The following COBL variants were observed in gnomAD, a reference collection of about 807,000 sequenced individuals.
COBL encodes the protein cordon-bleu WH2 repeat protein.
In COBL, 51 loss-of-function variants were observed where a neutral mutation model predicts 98.8. That is an observed-to-expected ratio of 0.52 (90% CI 0.41 to 0.65). The LOEUF (loss-of-function observed/expected upper bound fraction) is 0.65. Among genes scored for constraint, COBL ranks in the 30% least tolerant of loss-of-function variants. The pLI, the probability that COBL is intolerant of heterozygous loss-of-function variation, is 0.00. For synonymous variants in COBL, 634 were observed against 651.7 expected (o/e 0.97, Z 0.41); for missense variants, 1,617 against 1,617.5 (o/e 1.00, Z 0.01).
At chr7:51,234,526 C>T (rs749916302) in intron 1 of COBL, among the ~76,000 whole-genome samples, 2 of 152,040 alleles carry the variant, frequency 1.3e-5, no homozygotes, top group South Asian at 4.2e-4. Flanking sequence ...CACAGAAAAA[C>T]CCCCTCTCTA....
chr7:51,255,066 C>T (rs1184729145), intron 1 of COBL, among the ~76,000 whole-genome samples: 7 of 152,224 alleles, frequency 4.6e-5, no homozygotes, highest in Non-Finnish European at 1.0e-4. Context: ...TCACACTAAA[C>T]ACTAAATCAC....
intron 5 of COBL, among the ~76,000 whole-genome samples, chr7:51,170,153 C>T (rs1031587364): frequency 9.2e-5 from 14 of 151,914 alleles, no homozygotes; most frequent in Admixed American, 2.6e-4. Context: ...CTGATTCATT[C>T]GATTTTTTTT....
chr7:51,200,829 G>A (rs770076205), intron 2 of COBL, among the ~76,000 whole-genome samples: 15 of 152,106 alleles, frequency 9.9e-5, no homozygotes, highest in African/African-American at 2.4e-4. Context: ...AAGAAATACC[G>A]TAGATGAACA....
intron 7 of COBL, among the ~76,000 whole-genome samples, chr7:51,050,286 C>T (rs1562844691): frequency 6.6e-6 from 1 of 152,212 alleles, no homozygotes; most frequent in Non-Finnish European, 1.5e-5. Flanking sequence ...GAACCAAACT[C>T]TAGTCCTAGA....
Position 51,191,004 on chromosome 7 carries a change from G to A in COBL, c.531C>T (p.Leu177=). The change falls in exon 4 of 13, where the codon CTC becomes CTT. Residue 177 remains leucine, a synonymous_variant. Coordinates refer to ENST00000265136, the MANE Select transcript of COBL (RefSeq NM_015198.5). ...CACAAATGACTGGGAGAATATTCTG[G>A]AGAGGAACCTCAGGGCTCACACGCA... The part of the protein sequence containing the change: ...AVVRVSPEVP[L]QNILPVICAK... 6.2e-7 allele frequency: 1 copy of A among 1,614,194 alleles called. No homozygotes were observed. Among genetic ancestry groups the A allele is most frequent in the Non-Finnish European group, 8.5e-7 (1 of 1,180,046 alleles).
At chr7:51,233,154 A>T (rs1794921767) in intron 1 of COBL, among the ~76,000 whole-genome samples, 1 of 152,246 alleles carries the variant, frequency 6.6e-6, no homozygotes, top group Non-Finnish European at 1.5e-5. Flanking sequence ...TATTTGGGGC[A>T]TAACAGGCAT....
chr7:51,150,404 G>C (rs1785448745), intron 5 of COBL, among the ~76,000 whole-genome samples: 1 of 152,192 alleles, frequency 6.6e-6, no homozygotes, highest in Non-Finnish European at 1.5e-5. Context: ...CACCAAGAGA[G>C]ACATCACTAG....
chr7:51,184,568 GTAAAA>G (rs1789306674), intron 4 of COBL, among the ~76,000 whole-genome samples: 1 of 152,220 alleles, frequency 6.6e-6, no homozygotes, highest in South Asian at 2.1e-4. Flanking sequence ...AAAGAACCAA[GTAAAA>G]TTAATTGTAA....
chr7:51,296,733 G>A (rs144795397), intron 1 of COBL, among the ~76,000 whole-genome samples: 64 of 152,280 alleles, frequency 4.2e-4, no homozygotes, highest in African/African-American at 1.3e-3. Flanking sequence ...AGTATAGGAC[G>A]AGAGCTTGCT....
chr7:51,170,342 T>C (rs894088351), intron 5 of COBL, among the ~76,000 whole-genome samples: 5 of 151,938 alleles, frequency 3.3e-5, no homozygotes, highest in Non-Finnish European at 7.4e-5. Context: ...TGAGCTAGTA[T>C]AATTGTAATT....
chr7:51,053,590 C>A (rs1419249434), intron 7 of COBL, among the ~76,000 whole-genome samples: 2 of 152,244 alleles, frequency 1.3e-5, no homozygotes, highest in African/African-American at 4.8e-5. Context: ...TGCTGAAGAA[C>A]AGACAATATT....
chr7:51,176,391 T>C (rs1584061044), intron 5 of COBL, among the ~76,000 whole-genome samples: 2 of 152,078 alleles, frequency 1.3e-5, no homozygotes, highest in Admixed American at 6.6e-5. Context: ...ATTTGGGATA[T>C]ATATGTATAC....
chr7:51,029,229 T>C lies in COBL; in HGVS notation c.1867A>G (p.Asn623Asp). Residue 623 changes from asparagine (N) to aspartate (D), a missense_variant, in exon 10 of 13, where the codon AAT becomes GAT. Physicochemically the swap from Asn to Asp is conservative, Grantham distance 23. This residue lies in a region of COBL where 1,304 missense variants were observed against 1,282.0 expected (regional missense o/e 1.02). Transcript: ENST00000265136. ...VALSNISKDGNLMETAPRVTS... is the reference protein window; with the variant it reads ...VALSNISKDGDLMETAPRVTS... Reference sequence around the variant, plus strand: ...ACCCTGGGCGCCGTTTCCATTAGATTCCCATCTTTAGAGATGTTAGATAAG... The same window carrying C: ...ACCCTGGGCGCCGTTTCCATTAGATCCCCATCTTTAGAGATGTTAGATAAG... The C allele has an allele frequency of 3.7e-6, 6 of 1,614,002 alleles. No homozygotes were observed. Among genetic ancestry groups the C allele is most frequent in the Non-Finnish European group, 5.1e-6 (6 of 1,179,958 alleles).
At position 51,253,564 on chromosome 7, in the gene COBL, T is replaced by C. The variant is rs573906841; in HGVS notation, c.42-33620A>G. 3.9e-5 allele frequency among the ~76,000 whole-genome samples: 6 copies of C among 152,334 alleles called. No homozygotes were observed. The East Asian group carries it at 7.7e-4, about 20-fold the overall frequency. On this transcript the variant is annotated intron_variant, in intron 1 of 12. Coordinates refer to ENST00000265136, the MANE Select transcript of COBL (RefSeq NM_015198.5). ...GCTATTTATTTTGTATTTCTAATTA[T>C]AGAGAGAGTGAAAAGGAGAGTGAGA...
At position 51,190,973 on chromosome 7, in the gene COBL, A is replaced by T. The variant is rs753724234; in HGVS notation, c.562T>A (p.Cys188Ser). The change falls in exon 4 of 13, where the codon TGT (cysteine) becomes AGT (serine). Residue 188 changes from cysteine to serine, a missense_variant. By Grantham distance (112) the Cys-to-Ser change is moderately radical. Transcript: ENST00000265136. ...ACCACGTGCTCTGGGCTGACCTCAC[A>T]CTTTGCACAAATGACTGGGAGAATA... ...QNILPVICAK[C>S]EVSPEHVVLL... 23 of 1,614,002 alleles carry T rather than the reference A, an allele frequency of 1.4e-5. No individual in the cohort carries two copies. Among genetic ancestry groups the T allele is most frequent in the Non-Finnish European group, 1.4e-5 (16 of 1,180,044 alleles).
intron 7 of COBL, among the ~76,000 whole-genome samples, chr7:51,053,364 C>A (rs1489516893): frequency 6.6e-6 from 1 of 152,138 alleles, no homozygotes; most frequent in East Asian, 1.9e-4. Flanking sequence ...AAGCTGTGTG[C>A]CCTGCCCTGT....
At chr7:51,135,624 G>A (rs1034224236) in intron 6 of COBL, among the ~76,000 whole-genome samples, 3 of 152,136 alleles carry the variant, frequency 2.0e-5, no homozygotes, top group African/African-American at 7.2e-5. Context: ...TATTTTGAGA[G>A]CAAATGAGCA....
At chr7:51,165,237 T>C (rs188558904) in intron 5 of COBL, among the ~76,000 whole-genome samples, 9 of 151,878 alleles carry the variant, frequency 5.9e-5, no homozygotes, top group Admixed American at 5.2e-4. Flanking sequence ...ACTTCACCTA[T>C]AAAAATACAC....
chr7:51,022,000 A>C (rs1014223983), intron 12 of COBL, among the ~76,000 whole-genome samples: 4 of 152,138 alleles, frequency 2.6e-5, no homozygotes, highest in Admixed American at 6.5e-5. Flanking sequence ...AGAGGCCAGG[A>C]GGGCAGGTCG....
Sources: gnomAD v4.1 joint callset for allele counts (sites outside exome capture counted in the v4.1 genomes callset) on GRCh38, gnomAD v4.1.1 for gene constraint, gnomAD v4.1.1 regional missense constraint, MANE v1.5 for transcripts, NCBI Gene and HGNC (gene_info 2026-07-23, HGNC 2026-07-21) for gene names.